The following GBE1 variants were observed in gnomAD, a reference collection of about 807,000 sequenced individuals.
GBE1 encodes the protein 1,4-alpha-glucan-branching enzyme.
A neutral mutation model predicts 88.8 loss-of-function variants in GBE1; 70 were observed. The observed-to-expected ratio is 0.79, with a 90% CI of 0.65 to 0.96. GBE1 has a LOEUF of 0.96. GBE1 is among the 40% of genes least tolerant of loss of function. GBE1 has a pLI of 0.00. For missense variants in GBE1, 872 were observed against 871.0 expected (o/e 1.00, Z -0.01); for synonymous variants, 284 against 300.1 (o/e 0.95, Z 0.56).
chr3:81,659,325 A>G (rs1452141622), intron 3 of GBE1, among the ~76,000 whole-genome samples: 1 of 151,752 alleles, frequency 6.6e-6, no homozygotes, highest in African/African-American at 2.4e-5. Context: ...CTAAGCAATC[A>G]TTCTTTTTTT....
At chr3:81,555,086 T>C (rs866531184) in intron 12 of GBE1, among the ~76,000 whole-genome samples, 10 of 152,318 alleles carry the variant, frequency 6.6e-5, no homozygotes, top group South Asian at 4.1e-4. Flanking sequence ...GTGAACTTCT[T>C]CCCACAATAA....
intron 3 of GBE1, among the ~76,000 whole-genome samples, chr3:81,660,495 C>T (rs1378302862): frequency 1.3e-5 from 2 of 152,068 alleles, no homozygotes; most frequent in East Asian, 1.9e-4. Context: ...GAATATAATT[C>T]AGTCAATAAA....
At chr3:81,712,622 G>A (rs1337144136) in intron 1 of GBE1, among the ~76,000 whole-genome samples, 1 of 151,700 alleles carries the variant, frequency 6.6e-6, no homozygotes, top group Non-Finnish European at 1.5e-5. Flanking sequence ...CACAGGAAGG[G>A]GAACATCACA....
intron 7 of GBE1, among the ~76,000 whole-genome samples, chr3:81,628,422 G>A (rs534592135): frequency 3.9e-5 from 6 of 152,128 alleles, no homozygotes; most frequent in African/African-American, 1.2e-4. Flanking sequence ...CTAACAGTGA[G>A]GGCAAGAGCT....
chr3:81,712,118 G>C (rs1705876627), intron 1 of GBE1, among the ~76,000 whole-genome samples: 1 of 152,204 alleles, frequency 6.6e-6, no homozygotes, highest in African/African-American at 2.4e-5. Flanking sequence ...GCTCACACCA[G>C]TTACAATGGC....
chr3:81,629,275 G>A (rs932580544), intron 7 of GBE1, among the ~76,000 whole-genome samples: 10 of 144,712 alleles, frequency 6.9e-5, no homozygotes, highest in East Asian at 4.1e-4. Flanking sequence ...GAGAATATGC[G>A]GTGTTTGGTT....
chr3:81,524,478 T>G (rs1221420161), intron 14 of GBE1, among the ~76,000 whole-genome samples: 1 of 151,934 alleles, frequency 6.6e-6, no homozygotes, highest in African/African-American at 2.4e-5. Flanking sequence ...GCTTTTTAAC[T>G]TGCTCTCATC....
chr3:81,539,554 T>C (rs1248266313), intron 12 of GBE1, among the ~76,000 whole-genome samples: 1 of 151,962 alleles, frequency 6.6e-6, no homozygotes, highest in Non-Finnish European at 1.5e-5. Flanking sequence ...AGTTGAATGA[T>C]AGGAAAACTG....
intron 13 of GBE1, 121 bp from the exon 14 acceptor site, chr3:81,535,446 A>G (rs1703062360): frequency 4.3e-6 from 4 of 938,100 alleles, no homozygotes; most frequent in South Asian, 3.9e-5. Context: ...TCAGAACACT[A>G]TATTTTTTTG....
intron 7 of GBE1, among the ~76,000 whole-genome samples, chr3:81,631,544 G>A (rs1704508188): frequency 6.6e-6 from 1 of 151,716 alleles, no homozygotes; most frequent in Non-Finnish European, 1.5e-5. Flanking sequence ...AAAACATCCT[G>A]GCCAACATGG....
intron 8 of GBE1, among the ~76,000 whole-genome samples, chr3:81,592,264 T>G (rs1436018801): frequency 6.6e-6 from 1 of 152,140 alleles, no homozygotes; most frequent in Non-Finnish European, 1.5e-5. Context: ...AAAACAAAAG[T>G]GCGCCCTTTG....
chr3:81,528,588 C>T (rs1007441571), intron 14 of GBE1, among the ~76,000 whole-genome samples: 18 of 152,048 alleles, frequency 1.2e-4, no homozygotes, highest in Non-Finnish European at 2.5e-4. Context: ...TTGAAGTCTC[C>T]AGCTGTTATT....
rs140829542 is a variant in GBE1 at position 81,611,084 on chromosome 3, A to AT, written c.993-17062dup. 7.8e-3 allele frequency among the ~76,000 whole-genome samples: 1,188 copies of AT among 152,004 alleles called. 25 individuals are homozygous for AT. The highest frequency in any genetic ancestry group is 0.027 in the African/African-American group (1,131 of 41,480). On this transcript the variant is annotated intron_variant, in intron 7 of 15. Transcript: ENST00000429644. ...AAAAAAAAATTGTCACTAAAGAGTG[A>AT]TTTTTTTTCCCCTGCTACCTTGTAT...
At chr3:81,750,550 T>TGTATATATATACGTATATATATATAC (rs1706485946) in intron 1 of GBE1, among the ~76,000 whole-genome samples, 1 of 82,900 alleles carries the variant, frequency 1.2e-5, no homozygotes, top group Non-Finnish European at 2.0e-5. Context: ...TATATATATA[T>TGTATATATATACGTATATATATATAC]GTATATATAT....
At chr3:81,610,919 G>T (rs954924453) in intron 7 of GBE1, among the ~76,000 whole-genome samples, 36 of 151,724 alleles carry the variant, frequency 2.4e-4, no homozygotes, top group African/African-American at 8.5e-4. Flanking sequence ...CTACAGCAAG[G>T]GATTTCATCT....
chr3:81,743,159 C>G (rs1276461325), intron 1 of GBE1, among the ~76,000 whole-genome samples: 1 of 152,008 alleles, frequency 6.6e-6, no homozygotes, highest in Non-Finnish European at 1.5e-5. Context: ...TGAGTCAGCA[C>G]GTACTAAACA....
intron 1 of GBE1, among the ~76,000 whole-genome samples, chr3:81,747,473 G>C (rs1706432567): frequency 6.6e-6 from 1 of 152,134 alleles, no homozygotes; most frequent in Non-Finnish European, 1.5e-5. Flanking sequence ...TTGAGGTCAG[G>C]AGTTGGAGAC....
At chr3:81,603,144 C>A (rs1421100272) in intron 7 of GBE1, among the ~76,000 whole-genome samples, 2 of 152,092 alleles carry the variant, frequency 1.3e-5, no homozygotes, top group African/African-American at 4.8e-5. Context: ...AGCCTCTCTT[C>A]CTTCTTAAAT....
intron 1 of GBE1, among the ~76,000 whole-genome samples, chr3:81,742,673 A>C (rs1364505641): frequency 1.3e-5 from 2 of 152,146 alleles, no homozygotes; most frequent in African/African-American, 2.4e-5. Context: ...GTTGGGCCTG[A>C]GGCGAAAGAA....
Sources: gnomAD v4.1 joint callset for allele counts (sites outside exome capture counted in the v4.1 genomes callset) on GRCh38, gnomAD v4.1.1 for gene constraint, MANE v1.5 for transcripts, NCBI Gene and HGNC (gene_info 2026-07-23, HGNC 2026-07-21) for gene names.